Variants in SEMA6D observed in about 807,000 individuals in gnomAD.
The protein encoded by SEMA6D is semaphorin-6D.
SEMA6D carries 35 observed loss-of-function variants against 106.6 expected under a neutral mutation model. The observed-to-expected ratio is 0.33, with a 90% CI of 0.25 to 0.44. SEMA6D has a LOEUF of 0.44. SEMA6D is among the 20% of genes least tolerant of loss of function. The pLI is 1.00. For missense variants in SEMA6D, 1,185 were observed against 1,345.9 expected, an observed-to-expected ratio of 0.88 and a Z score of 1.87; for synonymous variants, 499 against 487.7, an observed-to-expected ratio of 1.02 and a Z score of -0.31.
At chr15:47,205,306 A>G (rs1222680589) in intron 1 of SEMA6D, among the ~76,000 whole-genome samples, 1 of 152,154 alleles carries the variant, frequency 6.6e-6, no homozygotes, top group Non-Finnish European at 1.5e-5. Context: ...CAGTTTCCAC[A>G]TGTGTCCTTC....
Position 47,771,695 on chromosome 15 carries a change from G to A in SEMA6D, c.3132G>A (p.Arg1044=), listed in dbSNP as rs2082637811. 1.9e-6 allele frequency: 3 copies of A among 1,613,930 alleles called. No individual in the cohort carries two copies. The highest frequency in any genetic ancestry group is 2.5e-6 in the Non-Finnish European group (3 of 1,179,970). Residue 1044 remains arginine (R), a synonymous_variant, in exon 19 of 19, where the codon AGG becomes AGA. Transcript: ENST00000536845. ...CTCTTCCTAGGACGGGACTAAAGAG[G>A]ACGCCGTCCTTAAAACCTGACGTGC... ...NGTLPRTGLK[R]TPSLKPDVPP...
intron 4 of SEMA6D, among the ~76,000 whole-genome samples, chr15:47,673,784 T>C (rs2078185001): frequency 6.6e-6 from 1 of 152,182 alleles, no homozygotes; most frequent in African/African-American, 2.4e-5. Context: ...ACTAGCCTGA[T>C]GCCTGCAGAA....
chr15:47,679,711 T>C (rs1260120021), intron 4 of SEMA6D, among the ~76,000 whole-genome samples: 3 of 152,218 alleles, frequency 2.0e-5, no homozygotes, highest in Non-Finnish European at 4.4e-5. Flanking sequence ...CATGGGAAAT[T>C]TTGCAGTGTT....
intron 4 of SEMA6D, among the ~76,000 whole-genome samples, chr15:47,669,340 C>T (rs2078095177): frequency 6.6e-6 from 1 of 152,226 alleles, no homozygotes; most frequent in Non-Finnish European, 1.5e-5. Flanking sequence ...ACTTCTTCAT[C>T]AGCTGTAAAC....
chr15:47,582,472 C>T (rs561814430), intron 3 of SEMA6D, among the ~76,000 whole-genome samples: 2 of 152,248 alleles, frequency 1.3e-5, no homozygotes, highest in South Asian at 4.2e-4. Flanking sequence ...CAGCAAAAAG[C>T]AGGCTATTTG....
intron 1 of SEMA6D, chr15:47,274,097 C>T (rs1407010056): frequency 2.6e-5 from 4 of 152,008 alleles, no homozygotes; most frequent in Admixed American, 6.6e-5. Flanking sequence ...TGGGCAACTC[C>T]GTTTGCATCT....
At chr15:47,509,014 G>T (rs2044140997) in intron 3 of SEMA6D, among the ~76,000 whole-genome samples, 1 of 152,152 alleles carries the variant, frequency 6.6e-6, no homozygotes, top group Admixed American at 6.5e-5. Context: ...CCATTAGCAG[G>T]TTTGATACCA....
At chr15:47,588,258 G>C (rs1349533447) in intron 3 of SEMA6D, among the ~76,000 whole-genome samples, 1 of 152,156 alleles carries the variant, frequency 6.6e-6, no homozygotes, top group Admixed American at 6.5e-5. Flanking sequence ...CCTCTGCAGA[G>C]ACATTGCCTT....
intron 1 of SEMA6D, among the ~76,000 whole-genome samples, chr15:47,725,435 T>C (rs1178285084): frequency 6.6e-6 from 1 of 152,212 alleles, no homozygotes; most frequent in Admixed American, 6.5e-5. Flanking sequence ...TAATACTTCC[T>C]TTTGGAAAAT....
chr15:47,668,298 A>G (rs1334946054), intron 4 of SEMA6D, among the ~76,000 whole-genome samples: 2 of 152,184 alleles, frequency 1.3e-5, no homozygotes, highest in Non-Finnish European at 2.9e-5. Context: ...TTCTTTTACT[A>G]TAAACAGCCA....
At chr15:47,284,682 G>A (rs533196005) in intron 1 of SEMA6D, among the ~76,000 whole-genome samples, 3 of 151,984 alleles carry the variant, frequency 2.0e-5, no homozygotes, top group East Asian at 1.9e-4. Context: ...TTCTATTGTC[G>A]GTTTTGCATT....
intron 1 of SEMA6D, among the ~76,000 whole-genome samples, chr15:47,189,850 G>A (rs909736716): frequency 1.3e-5 from 2 of 152,188 alleles, no homozygotes; most frequent in Admixed American, 6.5e-5. Flanking sequence ...TACACTAAAT[G>A]TGCTTCCAAT....
intron 4 of SEMA6D, among the ~76,000 whole-genome samples, chr15:47,610,189 C>T (rs549314759): frequency 2.1e-4 from 32 of 152,312 alleles, no homozygotes; most frequent in African/African-American, 7.2e-4. Context: ...GACCTAGCCA[C>T]GTTTCAGGAT....
chr15:47,554,569 C>T (rs1408326405), intron 3 of SEMA6D, among the ~76,000 whole-genome samples: 1 of 152,152 alleles, frequency 6.6e-6, no homozygotes, highest in African/African-American at 2.4e-5. Context: ...TTTTCCTTTC[C>T]CAAGAGAGCA....
chr15:47,730,726 T>G (rs747733253), intron 1 of SEMA6D: 11 of 1,604,826 alleles, frequency 6.9e-6, no homozygotes, highest in Non-Finnish European at 9.3e-6. Flanking sequence ...CAGCCGCTTA[T>G]AGAGTATAGC....
At chr15:47,249,493 C>A (rs1399801947) in intron 1 of SEMA6D, among the ~76,000 whole-genome samples, 1 of 151,352 alleles carries the variant, frequency 6.6e-6, no homozygotes, top group African/African-American at 2.4e-5. Flanking sequence ...TACTCTCTAC[C>A]CACCCCCCAT....
intron 1 of SEMA6D, among the ~76,000 whole-genome samples, chr15:47,279,617 G>C (rs1762477006): frequency 6.6e-6 from 1 of 151,012 alleles, no homozygotes; most frequent in South Asian, 2.1e-4. Context: ...TTTTCAAAGG[G>C]AATGCTTTCA....
At chr15:47,324,711 A>G (rs558560333) in intron 1 of SEMA6D, among the ~76,000 whole-genome samples, 3 of 150,762 alleles carry the variant, frequency 2.0e-5, no homozygotes, top group Non-Finnish European at 4.4e-5. Flanking sequence ...ATCTACATAT[A>G]TACTTTATAT....
chr15:47,635,685 A>G (rs2077374775), intron 4 of SEMA6D, among the ~76,000 whole-genome samples: 1 of 152,122 alleles, frequency 6.6e-6, no homozygotes, highest in Non-Finnish European at 1.5e-5. Context: ...AGAATTGAAT[A>G]GAATTGTTGA....
Sources: gnomAD v4.1 joint callset for allele counts (sites outside exome capture counted in the v4.1 genomes callset) on GRCh38, gnomAD v4.1.1 for gene constraint, MANE v1.5 for transcripts, NCBI Gene and HGNC (gene_info 2026-07-23, HGNC 2026-07-21) for gene names.